The following PTBP3 variants were observed in gnomAD, a reference collection of about 807,000 sequenced individuals.
PTBP3 encodes polypyrimidine tract-binding protein 3.
PTBP3 carries 20 observed loss-of-function variants against 58.7 expected under a neutral mutation model. The observed-to-expected ratio is 0.34, with a 90% confidence interval of 0.24 to 0.50. The LOEUF is 0.50. PTBP3 is among the 20% of genes least tolerant of loss of function. The pLI is 0.98. For synonymous variants in PTBP3, 185 were observed against 219.8 expected, an observed-to-expected ratio of 0.84 and a Z score of 1.40; for missense variants, 509 against 637.2, an observed-to-expected ratio of 0.80 and a Z score of 2.17.
At chr9:112,267,637 G>A (rs1342672551) in intron 4 of PTBP3, among the ~76,000 whole-genome samples, 4 of 152,050 alleles carry the variant, frequency 2.6e-5, no homozygotes, top group Admixed American at 1.3e-4. Context: ...TTCATCTTGA[G>A]GAGTCAAAAA....
chr9:112,357,875 G>C, the PTBP3 span, among the ~76,000 whole-genome samples: 5 of 152,050 alleles, frequency 3.3e-5, no homozygotes, highest in Non-Finnish European at 7.4e-5. Flanking sequence ...AGACATTTTT[G>C]GTTGACAAAA....
chr9:112,257,558 A>G (rs1425491404), intron 5 of PTBP3, among the ~76,000 whole-genome samples: 1 of 152,224 alleles, frequency 6.6e-6, no homozygotes, highest in Non-Finnish European at 1.5e-5. Flanking sequence ...TAAAGATCAA[A>G]TTCTGATAAA....
At chr9:112,279,263 A>C (rs1827755773) in intron 2 of PTBP3, among the ~76,000 whole-genome samples, 1 of 152,216 alleles carries the variant, frequency 6.6e-6, no homozygotes, top group Non-Finnish European at 1.5e-5. Flanking sequence ...CAAAAATCTT[A>C]ATACAAAAAT....
At chr9:112,359,593 C>T in the PTBP3 span, among the ~76,000 whole-genome samples, 5 of 152,096 alleles carry the variant, frequency 3.3e-5, no homozygotes, top group Non-Finnish European at 4.4e-5. Context: ...CACCTGAGGT[C>T]GGGAGTTCAA....
the PTBP3 span, among the ~76,000 whole-genome samples, chr9:112,371,203 G>A: frequency 0.012 from 1,865 of 152,058 alleles, 44 homozygotes; most frequent in African/African-American, 0.043. Flanking sequence ...CACCTGTTTT[G>A]GGTATAGCAC....
At chr9:112,333,115 G>A in intron 1 of PTBP3, 1 of 1,258,528 alleles carries the variant, frequency 7.9e-7, no homozygotes, top group Admixed American at 4.3e-5. Context: ...TTTTCTGAGA[G>A]GAAGTGTCGG....
chr9:112,368,887 G>A, the PTBP3 span, among the ~76,000 whole-genome samples: 5 of 152,226 alleles, frequency 3.3e-5, no homozygotes, highest in African/African-American at 1.2e-4. Flanking sequence ...ATGGTTTCAT[G>A]GGCCAGGGCC....
chr9:112,228,539 A>G (rs962069163), intron 10 of PTBP3, 67 bp from the exon 11 acceptor site: 2 of 1,136,632 alleles, frequency 1.8e-6, no homozygotes, highest in Non-Finnish European at 2.5e-6. Context: ...AATTTTACTA[A>G]TATACTTAAA....
intron 1 of PTBP3, among the ~76,000 whole-genome samples, chr9:112,312,752 T>C (rs908870419): frequency 6.6e-6 from 1 of 151,922 alleles, no homozygotes; most frequent in Non-Finnish European, 1.5e-5. Flanking sequence ...AAATAAACTG[T>C]TAAAAAGCAG....
At chr9:112,357,576 T>C in the PTBP3 span, among the ~76,000 whole-genome samples, 1 of 152,170 alleles carries the variant, frequency 6.6e-6, no homozygotes, top group African/African-American at 2.4e-5. Flanking sequence ...CTTAAACTCC[T>C]GGGTTCAAGC....
intron 2 of PTBP3, 22 bp downstream of exon 2, chr9:112,297,810 T>TAAAAAAA: frequency 1.7e-6 from 2 of 1,169,364 alleles, no homozygotes; most frequent in East Asian, 2.8e-5. Context: ...AATCAAATAT[T>TAAAAAAA]AAAAAAAAAA....
chr9:112,307,879 G>A, intron 1 of PTBP3, among the ~76,000 whole-genome samples: 1 of 152,210 alleles, frequency 6.6e-6, no homozygotes, highest in East Asian at 1.9e-4. Context: ...GCCACATGCG[G>A]CACAGGATGG....
At chr9:112,346,195 T>C in the PTBP3 span, among the ~76,000 whole-genome samples, 1 of 151,766 alleles carries the variant, frequency 6.6e-6, no homozygotes, top group Non-Finnish European at 1.5e-5. Flanking sequence ...TGAAACGAAG[T>C]CTTGCTCTGT....
intron 2 of PTBP3, among the ~76,000 whole-genome samples, chr9:112,290,842 G>A (rs910951775): frequency 2.0e-5 from 3 of 151,584 alleles, no homozygotes; most frequent in African/African-American, 7.3e-5. Flanking sequence ...ATAAGCACCT[G>A]CATATCCTAG....
the PTBP3 span, among the ~76,000 whole-genome samples, chr9:112,377,279 G>A: frequency 6.6e-6 from 1 of 152,236 alleles, no homozygotes; most frequent in Non-Finnish European, 1.5e-5. Flanking sequence ...GAGCCCAGGA[G>A]GTTGAGGCTA....
At chr9:112,303,379 T>A (rs1436973771) in intron 1 of PTBP3, among the ~76,000 whole-genome samples, 1 of 152,214 alleles carries the variant, frequency 6.6e-6, no homozygotes, top group East Asian at 1.9e-4. Context: ...GATATATTCT[T>A]CCTGTATGTA....
At chr9:112,236,302 G>A (rs1835436131) in intron 7 of PTBP3, among the ~76,000 whole-genome samples, 1 of 152,078 alleles carries the variant, frequency 6.6e-6, no homozygotes, top group South Asian at 2.1e-4. Flanking sequence ...AAGTAAGAAG[G>A]GAGAGTGAAA....
At chr9:112,329,300 C>T (rs1241259672) in intron 1 of PTBP3, among the ~76,000 whole-genome samples, 1 of 151,982 alleles carries the variant, frequency 6.6e-6, no homozygotes, top group Non-Finnish European at 1.5e-5. Context: ...GTAATCCCAG[C>T]TACTCAGGAG....
intron 8 of PTBP3, 65 bp from the exon 9 acceptor site, chr9:112,232,303 T>C: frequency 7.2e-7 from 1 of 1,390,696 alleles, no homozygotes; most frequent in Non-Finnish European, 9.7e-7. Flanking sequence ...CTTGATACAA[T>C]TTAAGTAAAT....
Sources: allele counts gnomAD v4.1 joint callset (sites outside exome capture counted in the v4.1 genomes callset), GRCh38; gene constraint gnomAD v4.1.1; transcripts MANE v1.5; gene names NCBI Gene and HGNC (gene_info 2026-07-23, HGNC 2026-07-21).